UBE4A: variants seen among roughly 807,000 people sequenced by gnomAD.
UBE4A encodes ubiquitination factor E4A.
A neutral mutation model predicts 117.9 loss-of-function variants in UBE4A; 48 were observed. The observed-to-expected ratio is 0.41, with a 90% CI of 0.32 to 0.52. The LOEUF (loss-of-function observed/expected upper bound fraction) is 0.52, where lower values mean the gene tolerates loss of function less well. Ranked by LOEUF, UBE4A falls within the 20% of genes least tolerant of loss-of-function variation. The pLI, the probability that UBE4A is intolerant of heterozygous loss-of-function variation, is 0.33. For missense variants in UBE4A, 1,067 were observed against 1,296.3 expected (o/e 0.82, Z 2.72); for synonymous variants, 407 against 450.0 (o/e 0.90, Z 1.21).
chr11:118,373,306 T>G lies in UBE4A; in HGVS notation c.924+18T>G. On this transcript the variant is annotated intron_variant, in intron 7 of 19. Coordinates refer to ENST00000252108, the MANE Select transcript of UBE4A (RefSeq NM_001204077.2). ...TGGCAAAGGTAGGTCTGAAAGATGA[T>G]ATGTATTCAGTTGAGCTAGATGTGT... is the stretch of plus-strand genomic sequence containing the variant. 1 of 1,610,026 alleles carries G rather than the reference T, an allele frequency of 6.2e-7. No homozygotes were observed. Among genetic ancestry groups the G allele is most frequent in the Non-Finnish European group, 8.5e-7 (1 of 1,178,566 alleles).
Position 118,395,930 on chromosome 11 carries a change from C to T in UBE4A, c.3075-384C>T, listed in dbSNP as rs1948867201. Among the ~76,000 whole-genome samples the T allele has an allele frequency of 2.0e-5, 3 of 151,950 alleles. No homozygotes were observed. In the South Asian group the frequency reaches 6.2e-4, roughly 32 times the overall value. ...TTTCTACTGAAAATACAAAAATTAG[C>T]TGAGTGTCATGGTGCAGGCCTGTAA... On this transcript the variant is annotated intron_variant, in intron 19 of 19. Transcript: ENST00000252108.
intron 2 of UBE4A, among the ~76,000 whole-genome samples, chr11:118,367,731 C>A (rs1948576097): frequency 6.6e-6 from 1 of 151,808 alleles, no homozygotes; most frequent in South Asian, 2.1e-4. Context: ...ATCTCCTGAC[C>A]TCGTGATCCG....
chr11:118,369,386 A>T (rs1264794180), intron 3 of UBE4A, 37 bp from the exon 4 acceptor site: 2 of 1,491,530 alleles, frequency 1.3e-6, no homozygotes, highest in African/African-American at 2.8e-5. Flanking sequence ...AAACAGAAGC[A>T]TTATCCTTAA....
chr11:118,389,629 T>C, intron 16 of UBE4A, 96 bp from the exon 17 acceptor site: 2 of 1,133,696 alleles, frequency 1.8e-6, no homozygotes, highest in Middle Eastern at 2.2e-4. Context: ...AGAAATAAAA[T>C]AACAGTAGTT....
intron 1 of UBE4A, among the ~76,000 whole-genome samples, chr11:118,363,704 C>T (rs1321248505): frequency 1.3e-5 from 2 of 151,924 alleles, no homozygotes; most frequent in Middle Eastern, 3.4e-3. Flanking sequence ...CTCTGCCTCC[C>T]GAGTCCAAGC....
Position 118,396,525 on chromosome 11 carries a change from TTTTC to T in UBE4A, c.*92_*95del. On this transcript the variant is annotated 3_prime_UTR_variant, in exon 20 of 20. Transcript: ENST00000252108. Reference sequence around the variant, plus strand: ...GTTTCTCTCTTTCTGGTTCTGTTCCTTTTCTTTCTTCTTTTCTTTTTCTTTTTTT... The same window carrying T: ...GTTTCTCTCTTTCTGGTTCTGTTCCTTTTCTTCTTTTCTTTTTCTTTTTTT... The T allele has an allele frequency of 4.8e-6, 7 of 1,461,836 alleles. No individual in the cohort carries two copies. Among genetic ancestry groups the T allele is most frequent in the Non-Finnish European group, 6.4e-6 (7 of 1,098,172 alleles). 90.6% of individuals were successfully genotyped at this position (1,461,836 alleles called of 1,614,324 possible). A position where few individuals can be genotyped will look rare whatever the true frequency, so the allele number is the denominator to read the frequency against.
chr11:118,374,219 A>T (rs939686466), intron 8 of UBE4A, among the ~76,000 whole-genome samples: 1 of 152,124 alleles, frequency 6.6e-6, no homozygotes, highest in Non-Finnish European at 1.5e-5. Flanking sequence ...TGCTACAGCT[A>T]CTTCTCCCCA....
Position 118,396,523 on chromosome 11 carries a change from C to T in UBE4A, c.*83C>T. ...TGGTTTCTCTCTTTCTGGTTCTGTT[C>T]CTTTTCTTTCTTCTTTTCTTTTTCT... On this transcript the variant is annotated 3_prime_UTR_variant, in exon 20 of 20. Coordinates refer to ENST00000252108, the MANE Select transcript of UBE4A (RefSeq NM_001204077.2). The T allele has an allele frequency of 2.8e-6, 4 of 1,420,468 alleles. No homozygotes were observed. The highest frequency in any genetic ancestry group is 1.5e-5 in the South Asian group (1 of 68,578). 88.0% of individuals were successfully genotyped at this position (1,420,468 alleles called of 1,614,324 possible). A position where few individuals can be genotyped will look rare whatever the true frequency, so the allele number is the denominator to read the frequency against.
At chr11:118,392,179 C>T (rs1948825441) in intron 18 of UBE4A, among the ~76,000 whole-genome samples, 1 of 152,168 alleles carries the variant, frequency 6.6e-6, no homozygotes, top group Non-Finnish European at 1.5e-5. Flanking sequence ...TCAGTCTTCC[C>T]TCTATTGAGT....
chr11:118,375,192 T>G lies in UBE4A; in HGVS notation c.1413T>G (p.Asn471Lys), dbSNP rs1948640913. 1 of 1,610,420 alleles carries G rather than the reference T, an allele frequency of 6.2e-7. No individual in the cohort carries two copies. The highest frequency in any genetic ancestry group is 1.3e-5 in the African/African-American group (1 of 74,714). ...NPTYCALKEL[N>K]DEERKIKNVH... ...CATACTGTGCCCTCAAGGAGTTGAA[T>G]GATGAAGAACGAAAAATTAAAAATG... The change falls in exon 9 of 20, where the codon AAT (asparagine) becomes AAG (lysine). Residue 471 changes from asparagine (N) to lysine (K), a missense_variant. This residue lies in a region of UBE4A where 1,001 missense variants were observed against 1,184.0 expected (regional missense o/e 0.85). Transcript: ENST00000252108.
Position 118,399,144 on chromosome 11 carries a change from T to C in UBE4A, c.*2704T>C. 1 of 436,824 alleles carries C rather than the reference T, an allele frequency of 2.3e-6. No individual in the cohort carries two copies. The allele number at this position is 436,824 out of a possible 1,614,324, so 27.1% of individuals were successfully genotyped here. ...TTTGAAACATTCCAGGAAGGTTACT[T>C]CTTGTCAAACTTGCCTGGCAGTGTT... On this transcript the variant is annotated 3_prime_UTR_variant, in exon 20 of 20. Coordinates refer to ENST00000252108, the MANE Select transcript of UBE4A (RefSeq NM_001204077.2).
intron 6 of UBE4A, 154 bp downstream of exon 6, chr11:118,372,820 G>C: frequency 8.6e-7 from 1 of 1,169,064 alleles, no homozygotes; most frequent in Non-Finnish European, 1.2e-6. Flanking sequence ...AGTACCAATA[G>C]AATAAAGCTG....
intron 12 of UBE4A, 117 bp from the exon 13 acceptor site, chr11:118,382,472 T>C: frequency 1.5e-6 from 1 of 655,894 alleles, no homozygotes; most frequent in South Asian, 5.2e-5. Flanking sequence ...CAGAAGTGGA[T>C]CCTTTTTTTT....
intron 1 of UBE4A, among the ~76,000 whole-genome samples, chr11:118,364,223 A>G (rs1948545021): frequency 6.6e-6 from 1 of 152,064 alleles, no homozygotes; most frequent in Non-Finnish European, 1.5e-5. Flanking sequence ...GAATGAGGAA[A>G]TGTAATCAGA....
intron 8 of UBE4A, among the ~76,000 whole-genome samples, chr11:118,374,262 G>C (rs1324562474): frequency 6.6e-6 from 1 of 152,068 alleles, no homozygotes; most frequent in African/African-American, 2.4e-5. Flanking sequence ...TATAACTTTA[G>C]CTCTGAAAAT....
chr11:118,395,082 C>CT (rs1555129346), intron 19 of UBE4A, among the ~76,000 whole-genome samples: 1 of 152,152 alleles, frequency 6.6e-6, no homozygotes, highest in East Asian at 1.9e-4. Context: ...AATCCCAGCA[C>CT]TTTGGGAGGC....
rs1591301069 is a variant in UBE4A at position 118,379,451 on chromosome 11, A to G, written c.1577A>G (p.His526Arg). Residue 526 changes from histidine to arginine, a missense_variant, in exon 11 of 20, where the codon CAT becomes CGT. Physicochemically the swap from His to Arg is conservative, Grantham distance 29 (BLOSUM62 0). This residue lies in a region of UBE4A where 1,001 missense variants were observed against 1,184.0 expected (regional missense o/e 0.85). Coordinates refer to ENST00000252108, the MANE Select transcript of UBE4A (RefSeq NM_001204077.2). ...YTLYLGFHRL[H>R]DQMVKINQNL... ...TTCTGCTTTCTTGGGGGCAGGTTGC[A>G]TGATCAGATGGTAAAAATCAACCAA... 1.2e-6 allele frequency: 2 copies of G among 1,611,480 alleles called. No homozygotes were observed. Among genetic ancestry groups the G allele is most frequent in the Non-Finnish European group, 1.7e-6 (2 of 1,178,136 alleles).
intron 15 of UBE4A, among the ~76,000 whole-genome samples, chr11:118,385,869 T>C (rs1318207621): frequency 2.6e-5 from 4 of 152,238 alleles, no homozygotes; most frequent in African/African-American, 9.6e-5. Flanking sequence ...AAACAGGCCC[T>C]TTTAAGCAAG....
chr11:118,366,074 AACACT>A (rs1469002126), intron 2 of UBE4A, among the ~76,000 whole-genome samples: 1 of 151,996 alleles, frequency 6.6e-6, no homozygotes, highest in African/African-American at 2.4e-5. Context: ...AAAAAAAAAA[AACACT>A]CAGGTGCATA....
Sources: allele counts gnomAD v4.1 joint callset (sites outside exome capture counted in the v4.1 genomes callset), GRCh38; gene constraint gnomAD v4.1.1; regional missense constraint gnomAD v4.1.1; transcripts MANE v1.5; gene names NCBI Gene and HGNC (gene_info 2026-07-23, HGNC 2026-07-21).